PFKFB3: variants seen among roughly 807,000 people sequenced by gnomAD.
PFKFB3 encodes the protein 6-phosphofructo-2-kinase/fructose-2,6-bisphosphatase 3.
A neutral mutation model predicts 68.0 loss-of-function variants in PFKFB3; 33 were observed. That is an observed-to-expected ratio of 0.49 (90% CI 0.37 to 0.65). The LOEUF is 0.65. PFKFB3 is among the 30% of genes least tolerant of loss of function. The pLI is 0.00. For missense variants in PFKFB3, 586 were observed against 712.2 expected, an observed-to-expected ratio of 0.82 and a Z score of 2.02; for synonymous variants, 315 against 288.2, an observed-to-expected ratio of 1.09 and a Z score of -0.94.
chr10:6,211,893 T>G (rs1844253922), intron 1 of PFKFB3, among the ~76,000 whole-genome samples: 1 of 152,222 alleles, frequency 6.6e-6, no homozygotes, highest in Non-Finnish European at 1.5e-5. Context: ...CCTGCTTCCC[T>G]GCCCCCACCT....
the PFKFB3 span, chr10:6,294,047 T>C: frequency 5.8e-6 from 3 of 518,748 alleles, no homozygotes; most frequent in Non-Finnish European, 3.9e-6. Context: ...TAGGAGCCAT[T>C]GTATAGTTCG....
At chr10:6,225,716 C>T (rs1845300099) in intron 13 of PFKFB3, among the ~76,000 whole-genome samples, 1 of 150,282 alleles carries the variant, frequency 6.7e-6, no homozygotes, top group African/African-American at 2.4e-5. Flanking sequence ...AGCCAGGGTG[C>T]CCTTTGTGTA....
chr10:6,281,036 T>C, the PFKFB3 span, among the ~76,000 whole-genome samples: 1 of 151,114 alleles, frequency 6.6e-6, no homozygotes, highest in Admixed American at 6.6e-5. Context: ...CTCCCACTTA[T>C]GAGTGAGAAC....
At chr10:6,322,382 A>G in the PFKFB3 span, among the ~76,000 whole-genome samples, 3 of 152,208 alleles carry the variant, frequency 2.0e-5, no homozygotes, top group Non-Finnish European at 4.4e-5. Context: ...AGGACAGTCC[A>G]TCATCATCTC....
Position 6,216,079 on chromosome 10 carries a change from C to T in PFKFB3, c.300-46C>T, listed in dbSNP as rs200359095. On this transcript the variant is annotated intron_variant, in intron 3 of 14. Transcript: ENST00000379775. Reference sequence around the variant, plus strand: ...TCGGGAGTTGCTTGGGCTGCCCCAGCGGATGCACCGGCGCTGACATTCGGG... The same window carrying T: ...TCGGGAGTTGCTTGGGCTGCCCCAGTGGATGCACCGGCGCTGACATTCGGG... The T allele has an allele frequency of 1.1e-4, 175 of 1,567,310 alleles. No homozygotes were observed. The African/African-American group carries it at 2.0e-3, about 18-fold the overall frequency.
intron 1 of PFKFB3, among the ~76,000 whole-genome samples, chr10:6,158,443 G>C (rs555358171): frequency 1.2e-4 from 19 of 152,318 alleles, no homozygotes; most frequent in Middle Eastern, 3.4e-3. Flanking sequence ...GTAGAAATGA[G>C]GAAGCCTGAT....
chr10:6,145,321 C>T (rs754582020), intron 1 of PFKFB3, among the ~76,000 whole-genome samples: 27 of 151,950 alleles, frequency 1.8e-4, no homozygotes, highest in Non-Finnish European at 3.1e-4. Flanking sequence ...TCCGGCCCCG[C>T]GTCTCCTCTG....
downstream of PFKFB3, among the ~76,000 whole-genome samples, chr10:6,258,371 C>G (rs557702584): frequency 6.6e-6 from 1 of 152,274 alleles, no homozygotes; most frequent in African/African-American, 2.4e-5. Context: ...ACAAAAAAGA[C>G]AGAAATGCAC....
intron 11 of PFKFB3, 85 bp from the exon 12 acceptor site, chr10:6,223,873 T>A: frequency 8.1e-7 from 1 of 1,227,438 alleles, no homozygotes; most frequent in South Asian, 1.2e-5. Context: ...TGCCTCGGCC[T>A]CCCAAAGTGC....
chr10:6,275,710 C>T, the PFKFB3 span, among the ~76,000 whole-genome samples: 1 of 152,210 alleles, frequency 6.6e-6, no homozygotes. The surrounding 1 kb of genome is among the most constrained non-coding windows in gnomAD (Gnocchi z 4.9). Context: ...GCAACCTCCG[C>T]TTCCCGGGAT....
chr10:6,154,401 G>A lies in PFKFB3; in HGVS notation c.16+9388G>A, dbSNP rs773081285. Among the ~76,000 whole-genome samples the A allele has an allele frequency of 1.3e-5, 2 of 152,016 alleles. No individual in the cohort carries two copies. Among genetic ancestry groups the A allele is most frequent in the Admixed American group, 6.6e-5 (1 of 15,242 alleles). On this transcript the variant is annotated intron_variant, in intron 1 of 14. Transcript: ENST00000379789. This position sits in a 1 kb window ranked among gnomAD's most constrained non-coding sequence, Gnocchi z 4.6. ...GCTGGGATTACAGGTGCATGCTACCGCGTCCAGCTAATTTTTTTGTATTTT... is the reference window on the plus strand; with the variant it reads ...GCTGGGATTACAGGTGCATGCTACCACGTCCAGCTAATTTTTTTGTATTTT...
intron 1 of PFKFB3, among the ~76,000 whole-genome samples, chr10:6,189,512 CTT>C (rs3084089): frequency 0.56 from 67,444 of 120,598 alleles, 18,650 homozygotes; most frequent in Non-Finnish European, 0.66. Flanking sequence ...GTGAGGTTCA[CTT>C]TTTTTTTTTT....
At chr10:6,174,819 AT>A (rs58730713) in intron 1 of PFKFB3, among the ~76,000 whole-genome samples, 95,542 of 143,616 alleles carry the variant, frequency 0.67, 32,493 homozygotes, top group Non-Finnish European at 0.77. Flanking sequence ...TCTTTCTTTA[AT>A]TTTTTTTTTT....
intron 14 of PFKFB3, among the ~76,000 whole-genome samples, chr10:6,252,965 CTAG>C (rs1474165378): frequency 1.3e-5 from 2 of 152,184 alleles, no homozygotes; most frequent in African/African-American, 2.4e-5. Context: ...GTCACCCAGG[CTAG>C]AGTGCAGTGG....
chr10:6,201,640 G>C (rs1423867860), upstream of PFKFB3, among the ~76,000 whole-genome samples: 1 of 152,088 alleles, frequency 6.6e-6, no homozygotes, highest in Non-Finnish European at 1.5e-5. The surrounding 1 kb of genome is among the most constrained non-coding windows in gnomAD (Gnocchi z 4.1). Context: ...TGGAGCATGC[G>C]GGACGTGAGC....
At chr10:6,185,053 A>G (rs541403552) in intron 1 of PFKFB3, among the ~76,000 whole-genome samples, 1 of 152,328 alleles carries the variant, frequency 6.6e-6, no homozygotes, top group Non-Finnish European at 1.5e-5. Flanking sequence ...TTGAAACCCG[A>G]CACAAAAACC....
At chr10:6,255,316 G>A (rs1338798016), downstream of PFKFB3, among the ~76,000 whole-genome samples, 1 of 151,214 alleles carries the variant, frequency 6.6e-6, no homozygotes, top group African/African-American at 2.4e-5. Context: ...TAGAGATGGG[G>A]TTTCTCCATG....
intron 1 of PFKFB3, among the ~76,000 whole-genome samples, chr10:6,182,105 T>TAA (rs1842729779): frequency 6.6e-6 from 1 of 152,186 alleles, no homozygotes; most frequent in African/African-American, 2.4e-5. Flanking sequence ...AAGCAAAAGA[T>TAA]AAGAGTTGGA....
At chr10:6,296,225 T>C in the PFKFB3 span, among the ~76,000 whole-genome samples, 1 of 152,046 alleles carries the variant, frequency 6.6e-6, no homozygotes, top group Non-Finnish European at 1.5e-5. Context: ...TTCTTTTCTT[T>C]TTTTTTTTAA....
Sources: allele counts gnomAD v4.1 joint callset (sites outside exome capture counted in the v4.1 genomes callset), GRCh38; gene constraint gnomAD v4.1.1; non-coding constraint Gnocchi (gnomAD v3.1); transcripts MANE v1.5; gene names NCBI Gene and HGNC (gene_info 2026-07-23, HGNC 2026-07-21).